Variants in ZNF475 observed in about 807,000 individuals in gnomAD.
ZNF475 encodes the protein zinc finger protein 475.
the ZNF475 span, among the ~76,000 whole-genome samples, chr5:122,168,263 T>G: frequency 6.6e-6 from 1 of 152,180 alleles, no homozygotes; most frequent in African/African-American, 2.4e-5. Flanking sequence ...AGACTGGTCT[T>G]GAACTCCTGA....
the ZNF475 span, among the ~76,000 whole-genome samples, chr5:122,180,771 A>T: frequency 6.6e-6 from 1 of 152,160 alleles, no homozygotes; most frequent in South Asian, 2.1e-4. Flanking sequence ...TTTTATAACA[A>T]CCCACAAAGT....
chr5:122,179,593 G>A, the ZNF475 span: 1 of 1,527,568 alleles, frequency 6.5e-7, no homozygotes, highest in East Asian at 2.5e-5. Flanking sequence ...TGCTACATTT[G>A]TGGTCGTGAA....
chr5:122,160,260 A>G, the ZNF475 span: 3 of 1,289,756 alleles, frequency 2.3e-6, no homozygotes, highest in South Asian at 1.2e-5. Flanking sequence ...CCACAACACT[A>G]AGGTAACAGG....
At chr5:122,168,411 G>C in the ZNF475 span, among the ~76,000 whole-genome samples, 1 of 152,202 alleles carries the variant, frequency 6.6e-6, no homozygotes, top group Non-Finnish European at 1.5e-5. Flanking sequence ...TCCAATATGG[G>C]ATAACCAAGA....
chr5:122,173,488 G>A, the ZNF475 span, among the ~76,000 whole-genome samples: 63 of 152,260 alleles, frequency 4.1e-4, no homozygotes, highest in Non-Finnish European at 8.1e-4. Context: ...TGGATGCCAG[G>A]TTATATACAA....
the ZNF475 span, among the ~76,000 whole-genome samples, chr5:122,170,551 GC>G: frequency 6.6e-6 from 1 of 152,200 alleles, no homozygotes; most frequent in Non-Finnish European, 1.5e-5. Context: ...GTGGTGTGGA[GC>G]TTCTGTGACC....
chr5:122,163,819 C>G, the ZNF475 span, among the ~76,000 whole-genome samples: 1 of 152,170 alleles, frequency 6.6e-6, no homozygotes, highest in Non-Finnish European at 1.5e-5. Flanking sequence ...GGAAATCGGT[C>G]TCATGCCTTA....
At chr5:122,180,665 T>A in the ZNF475 span, among the ~76,000 whole-genome samples, 2 of 152,216 alleles carry the variant, frequency 1.3e-5, no homozygotes, top group Non-Finnish European at 2.9e-5. Flanking sequence ...CATTCTCCTA[T>A]GTAACCGTAG....
the ZNF475 span, chr5:122,163,062 A>G: frequency 6.6e-6 from 1 of 152,154 alleles, no homozygotes; most frequent in Non-Finnish European, 1.5e-5. Context: ...TAACCTCCCC[A>G]AGCCTCAGTT....
chr5:122,160,535 C>A, the ZNF475 span, among the ~76,000 whole-genome samples: 4 of 152,124 alleles, frequency 2.6e-5, no homozygotes, highest in Non-Finnish European at 5.9e-5. Flanking sequence ...TGGGTAGAGA[C>A]ACTGTGATAG....
chr5:122,179,466 T>C, the ZNF475 span: 1 of 601,798 alleles, frequency 1.7e-6, no homozygotes, highest in Non-Finnish European at 2.8e-6. Context: ...ATATCCCTTG[T>C]AAGTTGTATT....
At chr5:122,178,818 T>A in the ZNF475 span, among the ~76,000 whole-genome samples, 1 of 152,248 alleles carries the variant, frequency 6.6e-6, no homozygotes, top group Non-Finnish European at 1.5e-5. Context: ...CCCATGCCTA[T>A]GTCCTGAATG....
chr5:122,181,414 C>T, the ZNF475 span, among the ~76,000 whole-genome samples: 1 of 152,168 alleles, frequency 6.6e-6, no homozygotes, highest in African/African-American at 2.4e-5. Flanking sequence ...ATTCTTTTCT[C>T]ATTTTTCAAA....
the ZNF475 span, among the ~76,000 whole-genome samples, chr5:122,180,811 T>A: frequency 2.0e-5 from 3 of 152,160 alleles, no homozygotes; most frequent in Admixed American, 2.0e-4. Flanking sequence ...AAATTCTAGA[T>A]CCTGCTAGAT....
chr5:122,167,064 T>G, the ZNF475 span, among the ~76,000 whole-genome samples: 2 of 152,382 alleles, frequency 1.3e-5, no homozygotes, highest in South Asian at 4.1e-4. Flanking sequence ...AGGTCTGACA[T>G]TTAAGTCTTT....
chr5:122,179,893 C>T, the ZNF475 span: 2 of 509,390 alleles, frequency 3.9e-6, no homozygotes, highest in African/African-American at 1.9e-5. Context: ...AAATGCCTGT[C>T]CAAAGAATTA....
At chr5:122,172,520 T>C in the ZNF475 span, among the ~76,000 whole-genome samples, 1 of 152,222 alleles carries the variant, frequency 6.6e-6, no homozygotes, top group Admixed American at 6.5e-5. Context: ...CGATATCATA[T>C]CCACAGTTCT....
the ZNF475 span, among the ~76,000 whole-genome samples, chr5:122,167,747 C>A: frequency 6.6e-6 from 1 of 152,214 alleles, no homozygotes; most frequent in African/African-American, 2.4e-5. Context: ...ATGCCACCAC[C>A]ATAACCAAGA....
At chr5:122,174,772 G>C in the ZNF475 span, among the ~76,000 whole-genome samples, 10 of 152,138 alleles carry the variant, frequency 6.6e-5, no homozygotes, top group Admixed American at 5.2e-4. Flanking sequence ...ACTGGATTTG[G>C]CTCATACTTT....
Sources: gnomAD v4.1 joint callset for allele counts (sites outside exome capture counted in the v4.1 genomes callset) on GRCh38, gnomAD v4.1.1 for gene constraint, MANE v1.5 for transcripts, NCBI Gene and HGNC (gene_info 2026-07-23, HGNC 2026-07-21) for gene names.